Variants in ZNF780B observed in about 807,000 individuals in gnomAD.
ZNF780B encodes zinc finger protein 779.
In ZNF780B, 52 loss-of-function variants were observed where a neutral mutation model predicts 74.1. The observed-to-expected ratio is 0.70, with a 90% CI of 0.56 to 0.88. ZNF780B has a LOEUF of 0.88. Ranked by LOEUF, ZNF780B falls within the 40% of genes least tolerant of loss-of-function variation. ZNF780B has a pLI of 0.00. For missense variants in ZNF780B, 953 were observed against 1,007.6 expected, an observed-to-expected ratio of 0.95 and a Z score of 0.73; for synonymous variants, 315 against 324.3, an observed-to-expected ratio of 0.97 and a Z score of 0.31.
chr19:40,036,720 A>G, intron 4 of ZNF780B, 94 bp from the exon 5 acceptor site: 1 of 756,644 alleles, frequency 1.3e-6, no homozygotes, highest in Non-Finnish European at 2.0e-6. Flanking sequence ...ATAAAATATA[A>G]TACTTTCAGG....
chr19:40,034,875 T>C lies in ZNF780B; in HGVS notation c.1984A>G (p.Ile662Val), dbSNP rs750918007. ...RVSNLVQHQSIHAGVKPYECK... is the reference protein window; with the variant it reads ...RVSNLVQHQSVHAGVKPYECK... ...TCATATGGTTTTACACCAGCATGAA[T>C]ACTCTGATGTTGAACAAGGTTTGAG... Residue 662 changes from isoleucine to valine, a missense_variant, in exon 5 of 5, where the codon ATT becomes GTT. Physicochemically the swap from Ile to Val is conservative, Grantham distance 29 (BLOSUM62 3). Coordinates refer to ENST00000434248, the MANE Select transcript of ZNF780B (RefSeq NM_001005851.3). 3 of 1,614,062 alleles carry C rather than the reference T, an allele frequency of 1.9e-6. No homozygotes were observed. The highest frequency in any genetic ancestry group is 2.2e-5 in the East Asian group (1 of 44,874).
intron 4 of ZNF780B, 75 bp downstream of exon 4, chr19:40,047,300 G>A: frequency 7.8e-7 from 1 of 1,287,664 alleles, no homozygotes; most frequent in Non-Finnish European, 1.1e-6. Flanking sequence ...CATCTCAGGG[G>A]TGTGACTCCT....
chr19:40,033,414 T>C lies in ZNF780B; in HGVS notation c.*943A>G, dbSNP rs1294395651. ...TAAACTGTGAACATGGCAGCTACTCTACATTCCTCACATCAGTAACTTTCT... is the reference window on the plus strand; with the variant it reads ...TAAACTGTGAACATGGCAGCTACTCCACATTCCTCACATCAGTAACTTTCT... On this transcript the variant is annotated 3_prime_UTR_variant, in exon 5 of 5. Coordinates refer to ENST00000434248, the MANE Select transcript of ZNF780B (RefSeq NM_001005851.3). 1 of 154,792 alleles carries C rather than the reference T, an allele frequency of 6.5e-6. No homozygotes were observed. The allele number at this position is 154,792 out of a possible 1,614,324, so 9.6% of individuals were successfully genotyped here. A position where few individuals can be genotyped will look rare whatever the true frequency, so the allele number is the denominator to read the frequency against.
rs557599492 is a variant in ZNF780B, at chr19:40,039,294, A to C, written c.233-2668T>G. 4.9e-3 allele frequency among the ~76,000 whole-genome samples: 745 copies of C among 152,348 alleles called. 5 individuals are homozygous for C. Among genetic ancestry groups the C allele is most frequent in the African/African-American group, 0.017 (710 of 41,578 alleles). On this transcript the variant is annotated intron_variant, in intron 4 of 4. Transcript: ENST00000434248. ...ATATCTCTGTTTTGGTAACAGTACCATGCTGTTTTGGTTACTGTAGCCTTG... is the reference window on the plus strand; with the variant it reads ...ATATCTCTGTTTTGGTAACAGTACCCTGCTGTTTTGGTTACTGTAGCCTTG...
chr19:40,036,376 T>G lies in ZNF780B; in HGVS notation c.483A>C (p.Thr161=). The G allele has an allele frequency of 1.2e-6, 2 of 1,611,972 alleles. No individual in the cohort carries two copies. The highest frequency in any genetic ancestry group is 1.7e-6 in the Non-Finnish European group (2 of 1,179,354). Residue 161 remains threonine, a synonymous_variant, in exon 5 of 5, where the codon ACA becomes ACC. Transcript: ENST00000434248. The part of the protein sequence containing the change: ...AYTHASPIHN[T]HKPYECKECG... ...ATTCCTTACATTCATATGGTTTATG[T>G]GTATTATGAATAGGAGAAGCATGAG...
rs768424421 is a variant in ZNF780B, at chr19:40,035,067, T to C, written c.1792A>G (p.Met598Val). 1.1e-4 allele frequency: 178 copies of C among 1,613,954 alleles called. No individual in the cohort carries two copies. The highest frequency in any genetic ancestry group is 1.4e-4 in the Non-Finnish European group (168 of 1,179,984). Reference protein sequence around the residue: ...KECGKAFRLHMHLIRHQKFHT... With the variant: ...KECGKAFRLHVHLIRHQKFHT... ...AATTTCTGATGTCGAATAAGGTGCA[T>C]ATGAAGTCGAAAGGCTTTCCCACAT... Residue 598 changes from methionine (M) to valine (V), a missense_variant, in exon 5 of 5, where the codon ATG (methionine) becomes GTG (valine). By Grantham distance (21) the Met-to-Val change is conservative. Transcript: ENST00000434248.
intron 4 of ZNF780B, among the ~76,000 whole-genome samples, chr19:40,041,437 C>A (rs1327610255): frequency 6.6e-6 from 1 of 152,122 alleles, no homozygotes; most frequent in Non-Finnish European, 1.5e-5. Flanking sequence ...TGGTGCAGAG[C>A]TGAGTTCAAT....
In ZNF780B at chr19:40,032,159, ATTT is replaced by A. The variant is rs375355770; in HGVS notation, c.*2195_*2197del. ...TCTGGGCTACTCAAAATTCAATGTCATTTTTTTAAAATGAGAAATGTTCTAGAC... is the reference window on the plus strand; with the variant it reads ...TCTGGGCTACTCAAAATTCAATGTCATTTTAAAATGAGAAATGTTCTAGAC... On this transcript the variant is annotated 3_prime_UTR_variant, in exon 5 of 5. Transcript: ENST00000434248. 17 of 433,522 alleles carry A rather than the reference ATTT, an allele frequency of 3.9e-5. No homozygotes were observed. Among genetic ancestry groups the A allele is most frequent in the African/African-American group, 2.5e-4 (12 of 48,320 alleles). The allele number at this position is 433,522 out of a possible 1,614,324, so 26.9% of individuals were successfully genotyped here.
intron 4 of ZNF780B, among the ~76,000 whole-genome samples, chr19:40,041,398 G>C (rs1972628862): frequency 6.6e-6 from 1 of 152,208 alleles, no homozygotes; most frequent in Admixed American, 6.5e-5. Context: ...TTGGGGTGGA[G>C]AGTTCTGTAG....
In ZNF780B at chr19:40,035,794, A is replaced by G. The variant is rs762288107; in HGVS notation, c.1065T>C (p.His355=). 6.3e-5 allele frequency: 101 copies of G among 1,613,978 alleles called. 2 individuals carry two copies. The Admixed American group carries it at 1.7e-3, about 26-fold the overall frequency. Residue 355 remains histidine (H), a synonymous_variant, in exon 5 of 5, where the codon CAT becomes CAC. Coordinates refer to ENST00000434248, the MANE Select transcript of ZNF780B (RefSeq NM_001005851.3). ...LTKLVRHQKI[H]MGEKPFECRE... is the part of the protein sequence containing the mutation. ...TGCATTCAAAGGGCTTCTCACCCAT[A>G]TGAATCTTCTGATGTCGAACAAGCT...
At chr19:40,048,563 G>A (rs1973052302) in intron 3 of ZNF780B, 107 bp downstream of exon 3, 1 of 1,547,104 alleles carries the variant, frequency 6.5e-7, no homozygotes, top group African/African-American at 1.4e-5. Context: ...TCGGGAATAA[G>A]AAGAAGGAAT....
chr19:40,045,657 T>C (rs530467055), intron 4 of ZNF780B, among the ~76,000 whole-genome samples: 1 of 152,260 alleles, frequency 6.6e-6, no homozygotes, highest in East Asian at 1.9e-4. Context: ...TGAAATCATG[T>C]CATTTGCAGC....
At chr19:40,039,173 T>C (rs1378651203) in intron 4 of ZNF780B, among the ~76,000 whole-genome samples, 2 of 152,186 alleles carry the variant, frequency 1.3e-5, no homozygotes, top group Non-Finnish European at 2.9e-5. Context: ...TAGGGAATCC[T>C]TTCCCCATTG....
Position 40,034,837 on chromosome 19 carries a change from A to G in ZNF780B, c.2022T>C (p.Cys674=), listed in dbSNP as rs772288887. Reference sequence around the variant, plus strand: ...TTGAAACACGACTAAAGCCTTTCCCACACTCCTTACATTCATATGGTTTTA... The same window carrying G: ...TTGAAACACGACTAAAGCCTTTCCCGCACTCCTTACATTCATATGGTTTTA... ...AGVKPYECKE[C]GKGFSRVSNL... is the part of the protein sequence containing the mutation. The change falls in exon 5 of 5, where the codon TGT becomes TGC. Residue 674 remains cysteine, a synonymous_variant. Coordinates refer to ENST00000434248, the MANE Select transcript of ZNF780B (RefSeq NM_001005851.3). The G allele has an allele frequency of 2.5e-6, 4 of 1,614,052 alleles. No homozygotes were observed. The highest frequency in any genetic ancestry group is 3.4e-6 in the Non-Finnish European group (4 of 1,179,968).
At position 40,034,643 on chromosome 19, in the gene ZNF780B, T is replaced by A. The variant is rs1346672616; in HGVS notation, c.2216A>T (p.Gln739Leu). 2 of 1,613,996 alleles carry A rather than the reference T, an allele frequency of 1.2e-6. No homozygotes were observed. Among genetic ancestry groups the A allele is most frequent in the Non-Finnish European group, 1.7e-6 (2 of 1,179,998 alleles). The part of the protein sequence containing the change: ...ECGKAFGLLT[Q>L]LAQHQIIHTG... Reference sequence around the variant, plus strand: ...ATGAATGATCTGATGTTGAGCAAGCTGTGTCAGAAGACCAAAGGCCTTTCC... The same window carrying A: ...ATGAATGATCTGATGTTGAGCAAGCAGTGTCAGAAGACCAAAGGCCTTTCC... The change falls in exon 5 of 5, where the codon CAG becomes CTG. Residue 739 changes from glutamine (Q) to leucine (L), a missense_variant. Transcript: ENST00000434248.
At position 40,032,223 on chromosome 19, in the gene ZNF780B, C is replaced by A. The variant is rs1972033419; in HGVS notation, c.*2134G>T. 2.7e-6 allele frequency: 1 copy of A among 364,246 alleles called. No individual in the cohort carries two copies. The highest frequency in any genetic ancestry group is 5.4e-6 in the Non-Finnish European group (1 of 186,590). The allele number at this position is 364,246 out of a possible 1,614,324, so 22.6% of individuals were successfully genotyped here. ...CTAACTCTGGTTGGTATCACAGACA[C>A]AAAACCTGGAGAAATAATAAAAAAC... On this transcript the variant is annotated 3_prime_UTR_variant, in exon 5 of 5. Coordinates refer to ENST00000434248, the MANE Select transcript of ZNF780B (RefSeq NM_001005851.3).
intron 4 of ZNF780B, among the ~76,000 whole-genome samples, chr19:40,042,629 C>T (rs1599779219): frequency 6.6e-6 from 1 of 152,152 alleles, no homozygotes; most frequent in East Asian, 1.9e-4. Context: ...CTAAACTTCT[C>T]TTCTCACTTC....
intron 4 of ZNF780B, among the ~76,000 whole-genome samples, chr19:40,040,089 A>G (rs1313923471): frequency 6.6e-6 from 1 of 152,214 alleles, no homozygotes; most frequent in African/African-American, 2.4e-5. Context: ...CATCCCATCA[A>G]TACCTCATTT....
chr19:40,050,201 A>AAAAC, intron 2 of ZNF780B, 123 bp downstream of exon 2: 2 of 879,970 alleles, frequency 2.3e-6, no homozygotes, highest in Non-Finnish European at 3.2e-6. Context: ...CGTCTCAAAA[A>AAAAC]AAAAAAAAAA....
Sources: gnomAD v4.1 joint callset for allele counts (sites outside exome capture counted in the v4.1 genomes callset) on GRCh38, gnomAD v4.1.1 for gene constraint, MANE v1.5 for transcripts, NCBI Gene and HGNC (gene_info 2026-07-23, HGNC 2026-07-21) for gene names.